The following TLL1 variants were observed in gnomAD, a reference collection of about 807,000 sequenced individuals.
TLL1 encodes the protein tolloid like 1.
A neutral mutation model predicts 128.2 loss-of-function variants in TLL1; 49 were observed. That is an observed-to-expected ratio of 0.38 (90% confidence interval 0.30 to 0.48). TLL1 has a LOEUF of 0.48. Ranked by LOEUF, TLL1 falls within the 20% of genes least tolerant of loss-of-function variation. The pLI, the probability that TLL1 is intolerant of heterozygous loss-of-function variation, is 0.96. For synonymous variants in TLL1, 454 were observed against 418.8 expected (o/e 1.08, Z -1.03); for missense variants, 1,123 against 1,242.0 (o/e 0.90, Z 1.44).
Position 166,077,948 on chromosome 4 carries a change from G to A in TLL1, c.2360G>A (p.Ser787Asn), listed in dbSNP as rs755446895. The change falls in exon 18 of 21, where the codon AGT becomes AAT. Residue 787 changes from serine to asparagine, a missense_variant. Ser to Asn is a conservative substitution (Grantham distance 46). This residue lies in a region of TLL1 where 634 missense variants were observed against 672.4 expected (regional missense o/e 0.94). Transcript: ENST00000061240. ...CACAGTCCAAGTGGCCTCATCACCA[G>A]TCCCAACTGGCCAGACAAGTACCCA... Reference protein sequence around the residue: ...KIHSPSGLITSPNWPDKYPSR... With the variant: ...KIHSPSGLITNPNWPDKYPSR... 1 of 1,613,634 alleles carries A rather than the reference G, an allele frequency of 6.2e-7. No individual in the cohort carries two copies. The highest frequency in any genetic ancestry group is 1.1e-5 in the South Asian group (1 of 91,078).
At chr4:165,956,421 G>C (rs1734797421) in intron 1 of TLL1, among the ~76,000 whole-genome samples, 1 of 151,968 alleles carries the variant, frequency 6.6e-6, no homozygotes, top group Non-Finnish European at 1.5e-5. Flanking sequence ...CCTCCCCCCA[G>C]GAATGCATTC....
At chr4:166,092,955 A>C (rs753310013) in intron 19 of TLL1, among the ~76,000 whole-genome samples, 1 of 152,148 alleles carries the variant, frequency 6.6e-6, no homozygotes, top group Non-Finnish European at 1.5e-5. Context: ...GTAAAACTCC[A>C]TAACTCCCTA....
intron 7 of TLL1, among the ~76,000 whole-genome samples, chr4:166,011,615 G>C (rs1193154766): frequency 2.6e-5 from 4 of 151,096 alleles, no homozygotes; most frequent in Non-Finnish European, 5.9e-5. Context: ...AATTTGGATG[G>C]CTTTTATTTT....
intron 12 of TLL1, among the ~76,000 whole-genome samples, chr4:166,052,240 T>A (rs1186620856): frequency 6.6e-6 from 1 of 152,178 alleles, no homozygotes. Flanking sequence ...TAATTAACAT[T>A]TTTAATTTTT....
chr4:166,057,334 C>T (rs963809382), intron 14 of TLL1, 25 bp downstream of exon 14: 1 of 1,612,114 alleles, frequency 6.2e-7, no homozygotes, highest in African/African-American at 1.3e-5. Context: ...CTTCCTGGAC[C>T]CCCACCCCCC....
intron 15 of TLL1, among the ~76,000 whole-genome samples, chr4:166,061,955 C>A (rs1740336926): frequency 6.6e-6 from 1 of 152,146 alleles, no homozygotes; most frequent in Admixed American, 6.5e-5. Context: ...GTTTTCCCAG[C>A]ACCATTTATT....
chr4:165,968,516 T>A (rs1735493991), intron 1 of TLL1, among the ~76,000 whole-genome samples: 1 of 152,154 alleles, frequency 6.6e-6, no homozygotes, highest in Non-Finnish European at 1.5e-5. Context: ...AGTAAGGTTA[T>A]CTGTTTAAGG....
chr4:166,042,310 C>T (rs1166891587), intron 11 of TLL1, among the ~76,000 whole-genome samples, 167 bp downstream of exon 11: 1 of 152,052 alleles, frequency 6.6e-6, no homozygotes, highest in Non-Finnish European at 1.5e-5. Context: ...ATTTAAATTG[C>T]AAGAACAACC....
At chr4:165,973,670 T>C (rs1299742486) in intron 1 of TLL1, among the ~76,000 whole-genome samples, 1 of 151,856 alleles carries the variant, frequency 6.6e-6, no homozygotes, top group Non-Finnish European at 1.5e-5. Flanking sequence ...GTTCTTTTTT[T>C]TTTTTCTTTT....
rs554959538 is a variant in TLL1, at chr4:166,097,968, C to A, written c.2657-1309C>A. ...ATTCTTTTATCTCCCTCCTAACCAC[C>A]ATGCTTGCTTGGATAGGTTGGTGGG... On this transcript the variant is annotated intron_variant, in intron 19 of 20. Coordinates refer to ENST00000061240, the MANE Select transcript of TLL1 (RefSeq NM_012464.5). Among the ~76,000 whole-genome samples, 8 of 152,188 alleles carry A rather than the reference C, an allele frequency of 5.3e-5. No homozygotes were observed. In the East Asian group the frequency reaches 1.6e-3, roughly 30 times the overall value.
intron 17 of TLL1, among the ~76,000 whole-genome samples, chr4:166,077,105 G>A (rs572469347): frequency 1.3e-4 from 20 of 152,216 alleles, no homozygotes; most frequent in Non-Finnish European, 2.5e-4. Flanking sequence ...GTCTAAACAA[G>A]GTTGTATGTT....
chr4:166,066,839 T>C (rs1421679678), intron 16 of TLL1, among the ~76,000 whole-genome samples: 11 of 151,786 alleles, frequency 7.2e-5, no homozygotes, highest in African/African-American at 2.4e-4. Flanking sequence ...CTTTTACAAA[T>C]GCTTCTCAGG....
At chr4:166,038,204 T>G (rs893026734) in intron 9 of TLL1, among the ~76,000 whole-genome samples, 4 of 152,174 alleles carry the variant, frequency 2.6e-5, no homozygotes, top group Non-Finnish European at 5.9e-5. Context: ...TTTCCTTCTT[T>G]CTTTCCTTCC....
chr4:165,921,591 C>T (rs1157026194), intron 1 of TLL1, among the ~76,000 whole-genome samples: 1 of 152,182 alleles, frequency 6.6e-6, no homozygotes, highest in Non-Finnish European at 1.5e-5. Context: ...AGTGTTATAT[C>T]ACTTAGTTAT....
At chr4:165,917,693 C>T (rs904113500) in intron 1 of TLL1, among the ~76,000 whole-genome samples, 1 of 152,050 alleles carries the variant, frequency 6.6e-6, no homozygotes, top group Non-Finnish European at 1.5e-5. Flanking sequence ...TTGTTTACCC[C>T]AAAGCATGAG....
At chr4:165,975,005 A>G (rs145072255) in intron 1 of TLL1, among the ~76,000 whole-genome samples, 55 of 152,312 alleles carry the variant, frequency 3.6e-4, no homozygotes, top group African/African-American at 1.2e-3. Flanking sequence ...GATTCAGTGT[A>G]GTTTCAGTGT....
At chr4:166,006,118 A>T (rs1737413950) in intron 6 of TLL1, among the ~76,000 whole-genome samples, 1 of 151,862 alleles carries the variant, frequency 6.6e-6, no homozygotes, top group African/African-American at 2.4e-5. Flanking sequence ...GATGTCTAAT[A>T]AGCACAAACT....
intron 12 of TLL1, among the ~76,000 whole-genome samples, chr4:166,048,827 T>G (rs1739581957): frequency 6.6e-6 from 1 of 152,208 alleles, no homozygotes; most frequent in African/African-American, 2.4e-5. Context: ...CTACACATTC[T>G]GATTTGGTGA....
intron 1 of TLL1, among the ~76,000 whole-genome samples, chr4:165,944,208 T>C (rs1263688838): frequency 6.6e-6 from 1 of 152,132 alleles, no homozygotes; most frequent in Non-Finnish European, 1.5e-5. Context: ...AGCAACAGAG[T>C]CTAAATTATT....
Sources: gnomAD v4.1 joint callset for allele counts (sites outside exome capture counted in the v4.1 genomes callset) on GRCh38, gnomAD v4.1.1 for gene constraint, gnomAD v4.1.1 regional missense constraint, MANE v1.5 for transcripts, NCBI Gene and HGNC (gene_info 2026-07-23, HGNC 2026-07-21) for gene names.